The following HOXB3 variants were observed in gnomAD, a reference collection of about 807,000 sequenced individuals.
HOXB3 encodes the protein homeobox protein Hox-B3.
HOXB3 carries 17 observed loss-of-function variants against 29.2 expected under a neutral mutation model. The observed-to-expected ratio is 0.58, with a 90% confidence interval of 0.40 to 0.87. HOXB3 has a LOEUF of 0.87. HOXB3 is among the 40% of genes least tolerant of loss of function. The probability of loss-of-function intolerance (pLI) is 0.00; values close to 1 mark genes in which losing one functional copy is unlikely to be tolerated. For synonymous variants in HOXB3, 317 were observed against 285.9 expected (o/e 1.11, Z -1.10); for missense variants, 637 against 616.3 (o/e 1.03, Z -0.35).
chr17:48,555,670 C>T (rs918660281), intron 2 of HOXB3, 52 bp from the exon 3 acceptor site: 2 of 691,270 alleles, frequency 2.9e-6, no homozygotes, highest in Non-Finnish European at 5.3e-6. Flanking sequence ...TCGCCCCCCG[C>T]CCCCCCGCCC....
At chr17:48,551,725 T>G (rs1318803811) in intron 4 of HOXB3, among the ~76,000 whole-genome samples, 1 of 152,248 alleles carries the variant, frequency 6.6e-6, no homozygotes, top group Non-Finnish European at 1.5e-5. Flanking sequence ...TAATCAATCG[T>G]TGACGACTCT....
intron 1 of HOXB3, chr17:48,576,619 T>C: frequency 9.3e-7 from 1 of 1,072,050 alleles, no homozygotes; most frequent in Non-Finnish European, 1.3e-6. Context: ...GATAGATTTT[T>C]CCGGGGCCCA....
chr17:48,588,092 G>A (rs1484837942), intron 1 of HOXB3, among the ~76,000 whole-genome samples: 7 of 152,222 alleles, frequency 4.6e-5, no homozygotes, highest in African/African-American at 1.7e-4. Context: ...CAGGAGGAGA[G>A]GACAGAGGTC....
chr17:48,555,313 AAGAGAGAGGGGAG>A (rs2068920840), intron 3 of HOXB3: 1 of 559,702 alleles, frequency 1.8e-6, no homozygotes, highest in African/African-American at 2.1e-5. Flanking sequence ...GAGAAGCAGG[AAGAGAGAGGGGAG>A]AGAGAGAGGG....
intron 2 of HOXB3, 88 bp from the exon 3 acceptor site, chr17:48,555,706 G>C (rs2068960221): frequency 3.0e-6 from 2 of 676,788 alleles, no homozygotes; most frequent in Non-Finnish European, 2.7e-6. Context: ...ACCCCGGCTG[G>C]GGAGCCCGAG....
intron 2 of HOXB3, among the ~76,000 whole-genome samples, chr17:48,561,876 G>A (rs1382231904): frequency 6.6e-6 from 1 of 152,218 alleles, no homozygotes; most frequent in Non-Finnish European, 1.5e-5. Flanking sequence ...TTAGCTAAAT[G>A]ATCTCTAAGG....
chr17:48,577,075 A>G (rs989281275), intron 1 of HOXB3: 1 of 1,485,932 alleles, frequency 6.7e-7, no homozygotes, highest in African/African-American at 1.4e-5. Context: ...CCCGAAAGAG[A>G]GAGTCCTTTC....
At chr17:48,555,396 G>A in intron 3 of HOXB3, 135 bp downstream of exon 3, 1 of 679,926 alleles carries the variant, frequency 1.5e-6, no homozygotes, top group South Asian at 1.6e-5. Flanking sequence ...GAGGGAGAGA[G>A]AGAGTCGCTG....
chr17:48,551,213 G>GA, intron 4 of HOXB3, 32 bp from the exon 5 acceptor site: 1 of 1,278,518 alleles, frequency 7.8e-7, no homozygotes, highest in Non-Finnish European at 9.9e-7. Context: ...GGGAAGGGGA[G>GA]AAAATGAAAT....
intron 2 of HOXB3, chr17:48,556,831 G>C (rs1158153815): frequency 6.6e-6 from 1 of 152,218 alleles, no homozygotes; most frequent in Non-Finnish European, 1.5e-5. Context: ...TCTAAGAAGA[G>C]AAGAACTAGC....
intron 1 of HOXB3, chr17:48,578,185 C>G: frequency 6.2e-7 from 1 of 1,612,544 alleles, no homozygotes; most frequent in East Asian, 2.2e-5. Context: ...GGAAGCTGCT[C>G]TCTCGCCTCT....
intron 2 of HOXB3, among the ~76,000 whole-genome samples, chr17:48,564,465 G>C (rs2069318574): frequency 6.7e-6 from 1 of 150,244 alleles, no homozygotes; most frequent in Non-Finnish European, 1.5e-5. Flanking sequence ...TCGGCCTCCA[G>C]GGCCCCAGGA....
Position 48,555,697 on chromosome 17 carries a change from C to G in HOXB3, c.-246-79G>C, listed in dbSNP as rs1300503318. 1.0e-5 allele frequency: 7 copies of G among 687,676 alleles called. No homozygotes were observed. In the African/African-American group the frequency reaches 1.1e-4, roughly 10 times the overall value. The allele number at this position is 687,676 out of a possible 1,614,324, so 42.6% of individuals were successfully genotyped here. On this transcript the variant is annotated intron_variant, in intron 2 of 4. Transcript: ENST00000498678. ...CCCCCGCCCCCGCCCCGCAAAGCCA[C>G]CCCGGCTGGGGAGCCCGAGGGGCAG... is the stretch of plus-strand genomic sequence containing the variant.
intron 1 of HOXB3, among the ~76,000 whole-genome samples, chr17:48,583,067 C>T (rs2069981802): frequency 6.6e-6 from 1 of 152,160 alleles, no homozygotes; most frequent in African/African-American, 2.4e-5. Flanking sequence ...TTTATTTGCT[C>T]CCCCAAGTGT....
At chr17:48,587,591 G>A (rs2070071548) in intron 1 of HOXB3, among the ~76,000 whole-genome samples, 2 of 152,182 alleles carry the variant, frequency 1.3e-5, no homozygotes, top group African/African-American at 4.8e-5. Context: ...AAGGAAAGGA[G>A]CTGCCTCTTA....
At chr17:48,553,936 CAT>C (rs1468604005) in intron 3 of HOXB3, 1 of 152,184 alleles carries the variant, frequency 6.6e-6, no homozygotes, top group Admixed American at 6.5e-5. Flanking sequence ...GAAAACTAAA[CAT>C]AGGAAAATAA....
intron 1 of HOXB3, chr17:48,578,805 C>T (rs187153722): frequency 6.4e-6 from 1 of 155,344 alleles, no homozygotes; most frequent in Admixed American, 6.5e-5. Flanking sequence ...CTCCTCCCCT[C>T]GGCGGGAGGG....
chr17:48,558,047 T>TA (rs199519994), intron 2 of HOXB3, among the ~76,000 whole-genome samples: 3,437 of 149,496 alleles, frequency 0.023, 141 homozygotes, highest in African/African-American at 0.08. Context: ...CTCCCCCAAA[T>TA]AAAAAAAAAG....
Position 48,550,436 on chromosome 17 carries a change from G to A in HOXB3, c.1194C>T (p.His398=), listed in dbSNP as rs779773513. The A allele has an allele frequency of 6.2e-7, 1 of 1,613,752 alleles. No individual in the cohort carries two copies. Among genetic ancestry groups the A allele is most frequent in the Non-Finnish European group, 8.5e-7 (1 of 1,179,982 alleles). The part of the protein sequence containing the change: ...GAPPMAPSQH[H]GPCEPHPTYT... The stretch of plus-strand genomic sequence containing the variant: ...AGGTGGGGTGGGGTTCGCAGGGTCC[G>A]TGGTGCTGGCTGGGCGCCATAGGGG... Residue 398 remains histidine (H), a synonymous_variant, in exon 5 of 5, where the codon CAC becomes CAT. Transcript: ENST00000498678.
Sources: gnomAD v4.1 joint callset for allele counts (sites outside exome capture counted in the v4.1 genomes callset) on GRCh38, gnomAD v4.1.1 for gene constraint, MANE v1.5 for transcripts, NCBI Gene and HGNC (gene_info 2026-07-23, HGNC 2026-07-21) for gene names.